Variants in NEAT1 observed in about 807,000 individuals in gnomAD.
NEAT1 encodes the protein MENepsilon/beta.
At chr11:65,424,836 T>C (rs1856544633) in exon 1 of NEAT1, 1 of 152,196 alleles carries the variant, frequency 6.6e-6, no homozygotes, top group South Asian at 2.1e-4. Flanking sequence ...CATAATACTT[T>C]CTTGGCATTC....
At chr11:65,436,813 GTGTACATGGGTTTTTA>G (rs1856661721) in exon 1 of NEAT1, 1 of 152,158 alleles carries the variant, frequency 6.6e-6, no homozygotes, top group African/African-American at 2.4e-5. Flanking sequence ...CCGCATATCT[GTGTACATGGGTTTTTA>G]TGTACATGGG....
exon 1 of NEAT1, chr11:65,428,156 T>C (rs1856580565): frequency 6.6e-6 from 1 of 152,214 alleles, no homozygotes; most frequent in African/African-American, 2.4e-5. Context: ...TCAGACTTTG[T>C]GAATTTCCAG....
At chr11:65,444,234 G>T (rs1284554419) in exon 1 of NEAT1, 1 of 331,624 alleles carries the variant, frequency 3.0e-6, no homozygotes, top group Non-Finnish European at 5.9e-6. Flanking sequence ...CTGCAGACCT[G>T]GCTCGGAGCC....
chr11:65,424,427 A>C (rs1300720446), exon 1 of NEAT1: 1 of 152,186 alleles, frequency 6.6e-6, no homozygotes, highest in Non-Finnish European at 1.5e-5. Context: ...CGTTGATGCC[A>C]CAACGCAGAT....
At chr11:65,423,530 G>C (rs577788657) in exon 1 of NEAT1, 2 of 152,298 alleles carry the variant, frequency 1.3e-5, no homozygotes, top group Non-Finnish European at 1.5e-5. Flanking sequence ...ATCCTCACCG[G>C]TGACTGGTGC....
At chr11:65,431,260 CTTT>C (rs113867750) in exon 1 of NEAT1, 1 of 151,926 alleles carries the variant, frequency 6.6e-6, no homozygotes, top group African/African-American at 2.4e-5. Flanking sequence ...TATTTTATAT[CTTT>C]TTTTTATCCA....
At chr11:65,434,848 A>G (rs968844308) in exon 1 of NEAT1, 16 of 152,192 alleles carry the variant, frequency 1.1e-4, no homozygotes, top group African/African-American at 3.9e-4. Flanking sequence ...GCTAGTTGCC[A>G]TCTTTGATCT....
At chr11:65,425,997 T>C (rs1856557402) in exon 1 of NEAT1, 1 of 152,130 alleles carries the variant, frequency 6.6e-6, no homozygotes, top group South Asian at 2.1e-4. Context: ...TCACCTAAAA[T>C]CAGTTTGGAA....
At chr11:65,439,774 TGGG>T (rs146605437) in exon 1 of NEAT1, 6 of 151,688 alleles carry the variant, frequency 4.0e-5, no homozygotes, top group African/African-American at 1.5e-4. Context: ...ATTAAGGTCT[TGGG>T]GGGGGTGTCC....
exon 1 of NEAT1, chr11:65,444,727 G>A: frequency 3.1e-6 from 1 of 326,168 alleles, no homozygotes; most frequent in Non-Finnish European, 6.1e-6. Flanking sequence ...GGGTCCTGGG[G>A]CCCTGGTGAC....
chr11:65,436,907 A>G (rs558067410), exon 1 of NEAT1: 1 of 152,210 alleles, frequency 6.6e-6, no homozygotes, highest in East Asian at 1.9e-4. Context: ...AAATTTCTAA[A>G]TATGATGGAC....
exon 1 of NEAT1, chr11:65,435,302 C>G (rs1467556772): frequency 2.0e-5 from 3 of 152,162 alleles, no homozygotes; most frequent in African/African-American, 2.4e-5. Flanking sequence ...TCCCGGACCC[C>G]TAAGATAACT....
exon 1 of NEAT1, chr11:65,437,195 G>GTATATATATATATGTGTATATATATA (rs1856665482): frequency 2.3e-5 from 3 of 129,052 alleles, no homozygotes; most frequent in African/African-American, 9.0e-5. Context: ...ATATATATAT[G>GTATATATATATATGTGTATATATATA]TATATATATA....
At chr11:65,428,909 A>C (rs1456255441) in exon 1 of NEAT1, 4 of 152,196 alleles carry the variant, frequency 2.6e-5, no homozygotes, top group Non-Finnish European at 5.9e-5. Flanking sequence ...CTTACCAGTA[A>C]CAATTGTTAT....
chr11:65,440,149 G>A lies in NEAT1; in HGVS notation n.17352G>A, dbSNP rs188099283. On this transcript the variant is annotated non_coding_transcript_exon_variant, in exon 1 of 1. Coordinates refer to ENST00000501122, the Ensembl canonical transcript of NEAT1. ...TAATAGGTACTGGATTTATGCAAAT[G>A]TCTTTTCTGCGTCTTTTGAGATGAG... 5 of 151,740 alleles carry A rather than the reference G, an allele frequency of 3.3e-5. No individual in the cohort carries two copies. In the East Asian group the frequency reaches 9.7e-4, roughly 29 times the overall value. The allele number at this position is 151,740 out of a possible 1,614,324, so 9.4% of individuals were successfully genotyped here.
At chr11:65,431,328 A>G (rs1355069727) in exon 1 of NEAT1, 1 of 152,164 alleles carries the variant, frequency 6.6e-6, no homozygotes, top group East Asian at 1.9e-4. Flanking sequence ...TAATGGTGCT[A>G]TGTACAAATA....
At chr11:65,433,734 G>GTGTA (rs1555046257) in exon 1 of NEAT1, 4 of 147,184 alleles carry the variant, frequency 2.7e-5, no homozygotes, top group African/African-American at 7.5e-5. Flanking sequence ...GTGTGTGTGT[G>GTGTA]TATATATATA....
At chr11:65,438,525 A>G (rs1856686058) in exon 1 of NEAT1, 2 of 152,182 alleles carry the variant, frequency 1.3e-5, no homozygotes, top group Non-Finnish European at 2.9e-5. Context: ...TAAAAAAATA[A>G]CTTCCTACCT....
exon 1 of NEAT1, chr11:65,433,686 A>G (rs1376216364): frequency 2.0e-5 from 3 of 151,930 alleles, no homozygotes; most frequent in African/African-American, 7.2e-5. Flanking sequence ...TGTCAATATT[A>G]ACTTCTTATA....
Sources: allele counts gnomAD v4.1 joint callset, GRCh38; gene constraint gnomAD v4.1.1; transcripts MANE v1.5; gene names NCBI Gene and HGNC (gene_info 2026-07-23, HGNC 2026-07-21).